FANCD2: variants seen among roughly 807,000 people sequenced by gnomAD.
FANCD2 encodes Fanconi anemia group D2 protein.
A neutral mutation model predicts 192.3 loss-of-function variants in FANCD2; 131 were observed. That is an observed-to-expected ratio of 0.68 (90% CI 0.59 to 0.79). FANCD2 has a LOEUF of 0.79. Ranked by LOEUF, FANCD2 falls within the 30% of genes least tolerant of loss-of-function variation. FANCD2 has a pLI of 0.00. For missense variants in FANCD2, 1,508 were observed against 1,701.6 expected (o/e 0.89, Z 2.00); for synonymous variants, 524 against 612.5 (o/e 0.86, Z 2.13).
At chr3:10,046,043 T>TTGCTC (rs1449850278) in intron 14 of FANCD2, among the ~76,000 whole-genome samples, 3 of 146,976 alleles carry the variant, frequency 2.0e-5, no homozygotes, top group Non-Finnish European at 4.5e-5. Context: ...TTCATGCATA[T>TTGCTC]TGCTCTGTAT....
intron 2 of FANCD2, 97 bp downstream of exon 2, chr3:10,028,818 A>C: frequency 9.5e-7 from 1 of 1,053,908 alleles, no homozygotes; most frequent in Non-Finnish European, 1.5e-6. Context: ...GAGAATCTTC[A>C]AAGTGTAATG....
intron 26 of FANCD2, among the ~76,000 whole-genome samples, chr3:10,072,480 T>C (rs1450078348): frequency 7.2e-5 from 11 of 152,180 alleles, no homozygotes; most frequent in Non-Finnish European, 1.5e-4. Flanking sequence ...GGTTTCACCA[T>C]GTTGGCCAGG....
chr3:10,082,121 A>G (rs6764168), intron 32 of FANCD2, among the ~76,000 whole-genome samples: 29,750 of 152,170 alleles, frequency 0.2, 3,361 homozygotes, highest in African/African-American at 0.31. Flanking sequence ...CCAAAATGGA[A>G]TATGTCATCC....
chr3:10,052,386 G>A lies in FANCD2; in HGVS notation c.1546-1G>A. On this transcript the variant is annotated splice_acceptor_variant, in intron 17 of 43. Coordinates refer to ENST00000675286, the MANE Select transcript of FANCD2 (RefSeq NM_001018115.3). LOFTEE classifies it high-confidence loss of function. Reference sequence around the variant, plus strand: ...CATTGTTGGCATCATTTTTTCCACAGGGCATTTTAGATTATCTGGATAACA... The same window carrying A: ...CATTGTTGGCATCATTTTTTCCACAAGGCATTTTAGATTATCTGGATAACA... 2 of 1,590,338 alleles carry A rather than the reference G, an allele frequency of 1.3e-6. No homozygotes were observed. The highest frequency in any genetic ancestry group is 1.7e-6 in the Non-Finnish European group (2 of 1,158,448).
chr3:10,050,434 C>G (rs1434165963), intron 17 of FANCD2, among the ~76,000 whole-genome samples: 1 of 151,148 alleles, frequency 6.6e-6, no homozygotes, highest in Non-Finnish European at 1.5e-5. Flanking sequence ...ACCATCCTGC[C>G]TAACACGGTG....
intron 29 of FANCD2, 32 bp downstream of exon 29, chr3:10,074,705 T>C: frequency 6.2e-7 from 1 of 1,609,612 alleles, no homozygotes; most frequent in South Asian, 1.1e-5. Context: ...CAGAATTTAA[T>C]CTTCTTTCAG....
In FANCD2 at chr3:10,073,260, A is replaced by T. The variant is rs56041034; in HGVS notation, c.2613A>T (p.Lys871Asn). 1 of 1,587,030 alleles carries T rather than the reference A, an allele frequency of 6.3e-7. No homozygotes were observed. Among genetic ancestry groups the T allele is most frequent in the Admixed American group, 1.7e-5 (1 of 59,718 alleles). ...KIRKKGKIER[K>N]QKTDGSKTSS... ...CTCTTTTTAATATAAAAGAAAGGAAACAAAAAACAGATGGCAGCAAGACAT... is the reference window on the plus strand; with the variant it reads ...CTCTTTTTAATATAAAAGAAAGGAATCAAAAAACAGATGGCAGCAAGACAT... Residue 871 changes from lysine (K) to asparagine (N), a missense_variant, in exon 28 of 44, where the codon AAA becomes AAT. Transcript: ENST00000675286.
chr3:10,070,444 C>A (rs1413105949), intron 26 of FANCD2, among the ~76,000 whole-genome samples: 1 of 70,630 alleles, frequency 1.4e-5, no homozygotes, highest in Non-Finnish European at 3.0e-5. Flanking sequence ...TGCCCAGCCG[C>A]CCCTACTGGG....
In FANCD2 at chr3:10,081,331, C is replaced by A. The variant is rs774304111; in HGVS notation, c.3106-15C>A. The A allele has an allele frequency of 3.7e-6, 6 of 1,612,176 alleles. 1 individual carries two copies. The South Asian group carries it at 4.4e-5, about 12-fold the overall frequency. Reference sequence around the variant, plus strand: ...ATTACTGAAGCAACTGTCCTAAAATCATTTTTATTTTTAGTGTTTAGCTGC... The same window carrying A: ...ATTACTGAAGCAACTGTCCTAAAATAATTTTTATTTTTAGTGTTTAGCTGC... On this transcript the variant is annotated splice_polypyrimidine_tract_variant and intron_variant, in intron 31 of 43. Transcript: ENST00000675286.
intron 29 of FANCD2, among the ~76,000 whole-genome samples, chr3:10,076,184 G>A (rs1234666622): frequency 1.3e-5 from 2 of 151,982 alleles, no homozygotes; most frequent in African/African-American, 4.8e-5. Flanking sequence ...GGATCACTCT[G>A]GGGTCCTGCC....
At chr3:10,070,410 C>G (rs548553183) in intron 26 of FANCD2, among the ~76,000 whole-genome samples, 20 of 134,664 alleles carry the variant, frequency 1.5e-4, no homozygotes, top group Admixed American at 5.9e-4. Context: ...CCAGCTGCCC[C>G]GTCCGGGAGG....
chr3:10,029,548 G>C (rs2086539451), intron 2 of FANCD2, among the ~76,000 whole-genome samples: 1 of 152,026 alleles, frequency 6.6e-6, no homozygotes, highest in Non-Finnish European at 1.5e-5. Context: ...TTCATTTATT[G>C]CTCTTATCTA....
chr3:10,028,166 T>C (rs186657770), intron 1 of FANCD2, among the ~76,000 whole-genome samples: 1 of 152,210 alleles, frequency 6.6e-6, no homozygotes, highest in African/African-American at 2.4e-5. Flanking sequence ...ATAGAACCTG[T>C]ACTTTTATAG....
At chr3:10,040,911 C>T (rs1054672020) in intron 9 of FANCD2, 3 of 179,518 alleles carry the variant, frequency 1.7e-5, no homozygotes, top group Non-Finnish European at 3.5e-5. Flanking sequence ...CTGTCACCGT[C>T]TGTTGGGCGC....
At chr3:10,066,551 A>G (rs1474265514) in intron 25 of FANCD2, among the ~76,000 whole-genome samples, 1 of 152,228 alleles carries the variant, frequency 6.6e-6, no homozygotes, top group Non-Finnish European at 1.5e-5. Context: ...ACACTGTACC[A>G]AGTGCTGGAC....
chr3:10,048,739 G>A (rs555206565), intron 16 of FANCD2, among the ~76,000 whole-genome samples: 2 of 152,304 alleles, frequency 1.3e-5, no homozygotes, highest in South Asian at 2.1e-4. Context: ...ATGTTAAAAC[G>A]CATTTGAATG....
chr3:10,099,035 G>T (rs1695149613), intron 43 of FANCD2: 1 of 1,607,486 alleles, frequency 6.2e-7, no homozygotes, highest in South Asian at 1.1e-5. Context: ...TCGAGTTGTG[G>T]CATTTGTTAT....
At chr3:10,097,519 G>T (rs943977335) in intron 42 of FANCD2, among the ~76,000 whole-genome samples, 2 of 152,202 alleles carry the variant, frequency 1.3e-5, no homozygotes, top group Non-Finnish European at 2.9e-5. Flanking sequence ...AGAGAAACAT[G>T]GTTCTGTTCC....
intron 2 of FANCD2, chr3:10,032,289 A>T: frequency 4.9e-6 from 2 of 406,964 alleles, no homozygotes; most frequent in South Asian, 1.8e-5. Context: ...GTTTGAATTT[A>T]TTTTTTTAGA....
Sources: allele counts gnomAD v4.1 joint callset (sites outside exome capture counted in the v4.1 genomes callset), GRCh38; gene constraint gnomAD v4.1.1; transcripts MANE v1.5; gene names NCBI Gene and HGNC (gene_info 2026-07-23, HGNC 2026-07-21).